Variants in STAM observed in about 807,000 individuals in gnomAD.
STAM encodes the protein signal transducing adaptor molecule, also known as signal transducing adapter molecule 1.
STAM carries 16 observed loss-of-function variants against 63.4 expected under a neutral mutation model. That is an observed-to-expected ratio of 0.25 (90% CI 0.17 to 0.38). STAM has a LOEUF of 0.38. STAM is among the 10% of genes least tolerant of loss of function. STAM has a pLI of 1.00. For missense variants in STAM, 636 were observed against 657.1 expected (o/e 0.97, Z 0.35); for synonymous variants, 238 against 223.9 (o/e 1.06, Z -0.56).
At chr10:17,660,821 A>G (rs950525460) in intron 2 of STAM, among the ~76,000 whole-genome samples, 2 of 152,176 alleles carry the variant, frequency 1.3e-5, no homozygotes, top group Admixed American at 1.3e-4. Context: ...TAAAAAGAGA[A>G]TATTTTTATT....
intron 1 of STAM, 113 bp downstream of exon 1, chr10:17,644,492 C>T (rs980985466): frequency 6.8e-6 from 9 of 1,321,740 alleles, no homozygotes; most frequent in Non-Finnish European, 9.6e-6. Context: ...GCTCGCTCTT[C>T]CCCTTTCCTG....
chr10:17,698,238 C>T (rs553045002), intron 8 of STAM, among the ~76,000 whole-genome samples: 40 of 152,238 alleles, frequency 2.6e-4, no homozygotes, highest in South Asian at 8.3e-4. Flanking sequence ...AAAAACATGT[C>T]AACCTTGTTT....
intron 2 of STAM, among the ~76,000 whole-genome samples, chr10:17,664,854 G>C (rs1208643965): frequency 6.6e-6 from 1 of 152,100 alleles, no homozygotes; most frequent in Non-Finnish European, 1.5e-5. Flanking sequence ...TTTTTAAGAG[G>C]ACAGATTCAG....
intron 2 of STAM, among the ~76,000 whole-genome samples, chr10:17,679,875 G>A (rs1835008872): frequency 6.6e-6 from 1 of 151,894 alleles, no homozygotes; most frequent in Admixed American, 6.6e-5. Context: ...TTGGCATAAA[G>A]TTGTTCATAG....
chr10:17,706,522 G>A (rs1836286223), intron 12 of STAM, among the ~76,000 whole-genome samples: 2 of 152,006 alleles, frequency 1.3e-5, no homozygotes, highest in South Asian at 4.2e-4. Context: ...GGGACTACAG[G>A]CGCCCGTCAC....
chr10:17,666,387 A>ATTGTTTTTTTTTTTTTT (rs1834378190), intron 2 of STAM, among the ~76,000 whole-genome samples: 1 of 85,922 alleles, frequency 1.2e-5, no homozygotes, highest in African/African-American at 5.0e-5. Flanking sequence ...TTGGCTTTGT[A>ATTGTTTTTTTTTTTTTT]TTTTTTTTTT....
rs1201460929 is a variant in STAM, at chr10:17,714,928, C to G, written c.*148C>G. ...CAAATATTCAAGAAGGTAGAACTCT[C>G]CTCAATTTACACTGACTTTTTAGAG... On this transcript the variant is annotated 3_prime_UTR_variant, in exon 14 of 14. Coordinates refer to ENST00000377524, the MANE Select transcript of STAM (RefSeq NM_003473.4). The G allele has an allele frequency of 2.6e-6, 2 of 761,452 alleles. No individual in the cohort carries two copies. The highest frequency in any genetic ancestry group is 3.5e-5 in the African/African-American group (2 of 57,264). The allele number at this position is 761,452 out of a possible 1,614,324, so 47.2% of individuals were successfully genotyped here. A position where few individuals can be genotyped will look rare whatever the true frequency, so the allele number is the denominator to read the frequency against.
intron 12 of STAM, among the ~76,000 whole-genome samples, chr10:17,706,369 CTTTTTT>C (rs59585445): frequency 1.0e-4 from 7 of 70,200 alleles, no homozygotes; most frequent in Admixed American, 2.1e-4. Context: ...GGTTGAGGCC[CTTTTTT>C]TTTTTTTTTT....
rs10673746 is a variant in STAM at position 17,666,387 on chromosome 10, A to ATTTTTTTTTTT, written c.125+5854_125+5864dup. On this transcript the variant is annotated intron_variant, in intron 2 of 13. Coordinates refer to ENST00000377524, the MANE Select transcript of STAM (RefSeq NM_003473.4). ...TAAAAATGTTTTTCCTTGGCTTTGT[A>ATTTTTTTTTTT]TTTTTTTTTTTTTTTTTTTTTTTTT... Among the ~76,000 whole-genome samples, 9 of 85,918 alleles carry ATTTTTTTTTTT rather than the reference A, an allele frequency of 1.0e-4. 1 individual carries two copies. The highest frequency in any genetic ancestry group is 4.5e-4 in the African/African-American group (9 of 19,964). 56.4% of individuals were successfully genotyped at this position (85,918 alleles called of 152,430 possible). A position where few individuals can be genotyped will look rare whatever the true frequency, so the allele number is the denominator to read the frequency against.
At position 17,714,834 on chromosome 10, in the gene STAM, A is replaced by C; in HGVS notation, c.*54A>C. ...CCTGCTAAATGCCACTGACAATGTT[A>C]TGAGATTCATTACTATCTTAAGATG... On this transcript the variant is annotated 3_prime_UTR_variant, in exon 14 of 14. Transcript: ENST00000377524. The C allele has an allele frequency of 1.4e-6, 2 of 1,464,320 alleles. No individual in the cohort carries two copies. The highest frequency in any genetic ancestry group is 4.5e-5 in the East Asian group (2 of 44,250). 90.7% of individuals were successfully genotyped at this position (1,464,320 alleles called of 1,614,324 possible).
At chr10:17,687,945 A>G (rs1284092282) in intron 4 of STAM, 82 bp from the exon 5 acceptor site, 4 of 1,218,948 alleles carry the variant, frequency 3.3e-6, no homozygotes, top group Middle Eastern at 2.6e-4. Flanking sequence ...AACATCACTT[A>G]ATAACTTTAC....
chr10:17,706,333 C>G (rs193044074), intron 12 of STAM, among the ~76,000 whole-genome samples: 1 of 148,966 alleles, frequency 6.7e-6, no homozygotes, highest in Non-Finnish European at 1.5e-5. Context: ...CATCCCACTC[C>G]AGACCTATTG....
chr10:17,681,194 C>T (rs555653971), intron 2 of STAM, among the ~76,000 whole-genome samples: 1 of 131,272 alleles, frequency 7.6e-6, no homozygotes, highest in Non-Finnish European at 1.6e-5. Context: ...GTATTGAGAT[C>T]GTCTTTTTTT....
chr10:17,705,471 T>C (rs949034142), intron 11 of STAM, 117 bp from the exon 12 acceptor site: 1 of 1,208,310 alleles, frequency 8.3e-7, no homozygotes, highest in African/African-American at 1.5e-5. Context: ...AGTGAAATTT[T>C]TAATAATGTC....
At chr10:17,654,446 T>G (rs1307308352) in intron 1 of STAM, among the ~76,000 whole-genome samples, 3 of 151,988 alleles carry the variant, frequency 2.0e-5, no homozygotes, top group Non-Finnish European at 2.9e-5. Flanking sequence ...ATGGTCTCTA[T>G]CTCCTGACCT....
chr10:17,658,366 G>T (rs1834026429), intron 1 of STAM, among the ~76,000 whole-genome samples: 1 of 151,918 alleles, frequency 6.6e-6, no homozygotes, highest in South Asian at 2.1e-4. Context: ...GGTCTGTCTT[G>T]GTGAATGCTG....
At chr10:17,645,696 C>T (rs1213539314) in intron 1 of STAM, among the ~76,000 whole-genome samples, 1 of 152,120 alleles carries the variant, frequency 6.6e-6, no homozygotes, top group Admixed American at 6.5e-5. Context: ...ACCGATTATA[C>T]TTAATGAATT....
intron 2 of STAM, among the ~76,000 whole-genome samples, chr10:17,681,271 G>A (rs141762419): frequency 3.5e-5 from 5 of 141,138 alleles, no homozygotes; most frequent in Non-Finnish European, 7.6e-5. Context: ...ACACCCTTAA[G>A]TTTTCTTGGG....
rs928295527 is a variant in STAM at position 17,712,944 on chromosome 10, C to T, written c.1386-1599C>T. On this transcript the variant is annotated intron_variant, in intron 13 of 13. Transcript: ENST00000377524. ...GATCAGTGTGGTGTTGGAGCGTGTG[C>T]TTCCGTATTTTCAAGGAAATAAAAG... is the stretch of plus-strand genomic sequence containing the variant. Among the ~76,000 whole-genome samples, 4 of 152,156 alleles carry T rather than the reference C, an allele frequency of 2.6e-5. No homozygotes were observed. In the East Asian group the frequency reaches 7.7e-4, roughly 29 times the overall value.
Sources: gnomAD v4.1 joint callset for allele counts (sites outside exome capture counted in the v4.1 genomes callset) on GRCh38, gnomAD v4.1.1 for gene constraint, MANE v1.5 for transcripts, NCBI Gene and HGNC (gene_info 2026-07-23, HGNC 2026-07-21) for gene names.